CCDC180: variants seen among roughly 807,000 people sequenced by gnomAD.
CCDC180 encodes the protein coiled-coil domain containing 180.
CCDC180 carries 154 observed loss-of-function variants against 209.2 expected under a neutral mutation model. The observed-to-expected ratio is 0.74, with a 90% CI of 0.65 to 0.84. CCDC180 has a LOEUF of 0.84. Among genes scored for constraint, CCDC180 ranks in the 40% least tolerant of loss-of-function variants. The probability of loss-of-function intolerance (pLI) is 0.00; values close to 1 mark genes in which losing one functional copy is unlikely to be tolerated. For missense variants in CCDC180, 1,874 were observed against 1,997.3 expected, an observed-to-expected ratio of 0.94 and a Z score of 1.18; for synonymous variants, 778 against 749.1, an observed-to-expected ratio of 1.04 and a Z score of -0.63.
At position 97,320,217 on chromosome 9, in the gene CCDC180, C is replaced by G; in HGVS notation, c.1159+12C>G. 2 of 1,608,758 alleles carry G rather than the reference C, an allele frequency of 1.2e-6. No individual in the cohort carries two copies. Among genetic ancestry groups the G allele is most frequent in the South Asian group, 2.2e-5 (2 of 90,984 alleles). On this transcript the variant is annotated intron_variant, in intron 11 of 36. Coordinates refer to ENST00000529487, the MANE Select transcript of CCDC180 (RefSeq NM_020893.6). Reference sequence around the variant, plus strand: ...GAACAAGGAGCTAGGTGAGTGACGTCTGCAGGACTCCACCTGCATTTCTCC... The same window carrying G: ...GAACAAGGAGCTAGGTGAGTGACGTGTGCAGGACTCCACCTGCATTTCTCC...
At position 97,369,419 on chromosome 9, in the gene CCDC180, TTTATGTTATGTTATG is replaced by T. The variant is rs3052478; in HGVS notation, c.4190-459_4190-445del. 577 of 130,712 alleles carry T rather than the reference TTTATGTTATGTTATG, an allele frequency of 4.4e-3. 5 individuals carry two copies. Among genetic ancestry groups the T allele is most frequent in the African/African-American group, 9.6e-3 (348 of 36,070 alleles). The allele number at this position is 130,712 out of a possible 1,614,324, so 8.1% of individuals were successfully genotyped here. On this transcript the variant is annotated intron_variant, in intron 31 of 36. Coordinates refer to ENST00000529487, the MANE Select transcript of CCDC180 (RefSeq NM_020893.6). ...CCTTTGAATTTATTTAAGCCTTTAT[TTTATGTTATGTTATG>T]TTATGTTATGTTATGTTATGTTATG... is the stretch of plus-strand genomic sequence containing the variant.
At chr9:97,370,323 T>TG (rs1258067039) in intron 32 of CCDC180, among the ~76,000 whole-genome samples, 1 of 152,182 alleles carries the variant, frequency 6.6e-6, no homozygotes. Flanking sequence ...CTGGGTTCCG[T>TG]GGGGCTGTAG....
intron 24 of CCDC180, 134 bp downstream of exon 24, chr9:97,355,142 A>C: frequency 1.6e-6 from 1 of 634,970 alleles, no homozygotes; most frequent in Non-Finnish European, 2.8e-6. Flanking sequence ...GAAGACAGAC[A>C]CAATCTTTTT....
chr9:97,361,985 C>G, intron 27 of CCDC180, 87 bp downstream of exon 27: 1 of 1,478,276 alleles, frequency 6.8e-7, no homozygotes, highest in Non-Finnish European at 9.1e-7. Context: ...GCCCCACACA[C>G]TGGGGTTCCC....
chr9:97,314,805 T>G, intron 7 of CCDC180, 46 bp from the exon 8 acceptor site: 1 of 1,601,616 alleles, frequency 6.2e-7, no homozygotes, highest in Non-Finnish European at 8.6e-7. Context: ...TTCCTTTTAG[T>G]TCTCCAGGAA....
At chr9:97,321,851 G>A (rs996760424) in intron 11 of CCDC180, among the ~76,000 whole-genome samples, 1 of 152,032 alleles carries the variant, frequency 6.6e-6, no homozygotes, top group South Asian at 2.1e-4. Flanking sequence ...GAGGGAGGAG[G>A]CATTCCAAGC....
intron 15 of CCDC180, among the ~76,000 whole-genome samples, chr9:97,327,817 T>C (rs764181165): frequency 6.6e-6 from 1 of 152,194 alleles, no homozygotes. Context: ...GAAAAGTCTC[T>C]TGTGTGTGTT....
rs773962380 is a variant in CCDC180 at position 97,326,548 on chromosome 9, T to G, written c.1546-6T>G. On this transcript the variant is annotated splice_polypyrimidine_tract_variant and splice_region_variant and intron_variant, in intron 14 of 36. Transcript: ENST00000529487. Reference sequence around the variant, plus strand: ...TGCTTCCTCTTGTTTTGGGGGTGGCTTCCAGGTGCAGGAGGCCCACCTCGA... The same window carrying G: ...TGCTTCCTCTTGTTTTGGGGGTGGCGTCCAGGTGCAGGAGGCCCACCTCGA... 6.1e-5 allele frequency: 97 copies of G among 1,580,014 alleles called. 1 individual carries two copies. Among genetic ancestry groups the G allele is most frequent in the Non-Finnish European group, 7.8e-5 (90 of 1,149,190 alleles).
chr9:97,366,087 G>T lies in CCDC180; in HGVS notation c.4047+348G>T, dbSNP rs1826911431. On this transcript the variant is annotated intron_variant, in intron 30 of 36. Coordinates refer to ENST00000529487, the MANE Select transcript of CCDC180 (RefSeq NM_020893.6). The surrounding 1 kb of genome is among the most constrained non-coding windows in gnomAD (Gnocchi z 4.3). ...GAAAGAGGTGGGGCAGTGGGACCAG[G>T]CACCAGACAAGCTGCCCAGTGCCCT... Among the ~76,000 whole-genome samples the T allele has an allele frequency of 6.6e-6, 1 of 152,198 alleles. No homozygotes were observed. The highest frequency in any genetic ancestry group is 2.1e-4 in the South Asian group (1 of 4,828).
Position 97,351,511 on chromosome 9 carries a change from T to C in CCDC180, c.3002+956T>C, listed in dbSNP as rs149336666. On this transcript the variant is annotated intron_variant, in intron 22 of 36. Coordinates refer to ENST00000529487, the MANE Select transcript of CCDC180 (RefSeq NM_020893.6). ...TGAAAGTAATCCTAGATTTAGTCTT[T>C]GACATTTTTGAAAGGCTATATTTAT... Among the ~76,000 whole-genome samples, 1,482 of 152,328 alleles carry C rather than the reference T, an allele frequency of 9.7e-3. 23 individuals are homozygous for C. Among genetic ancestry groups the C allele is most frequent in the African/African-American group, 0.033 (1,359 of 41,572 alleles).
chr9:97,340,758 G>A (rs925170464), intron 18 of CCDC180, among the ~76,000 whole-genome samples: 3 of 152,222 alleles, frequency 2.0e-5, no homozygotes, highest in Non-Finnish European at 2.9e-5. Flanking sequence ...AGCGAAAAGT[G>A]TCAAGGGACA....
At chr9:97,357,877 G>C in intron 25 of CCDC180, 152 bp downstream of exon 25, 1 of 575,526 alleles carries the variant, frequency 1.7e-6, no homozygotes, top group Non-Finnish European at 3.0e-6. Flanking sequence ...CTTAACCCCT[G>C]TTTCATGGAA....
Position 97,317,191 on chromosome 9 carries a change from A to G in CCDC180, c.922A>G (p.Lys308Glu), listed in dbSNP as rs1833205068. 8 of 1,608,864 alleles carry G rather than the reference A, an allele frequency of 5.0e-6. No individual in the cohort carries two copies. The highest frequency in any genetic ancestry group is 5.1e-6 in the Non-Finnish European group (6 of 1,176,274). ...HRWQGLVDTWKALKKEALLQS... is the reference protein window; with the variant it reads ...HRWQGLVDTWEALKKEALLQS... ...CTGGCAAGGCTTGGTGGACACCTGG[A>G]AGGCTCTCAAGAAGGAGGCCCTGCT... Residue 308 changes from lysine (K) to glutamate (E), a missense_variant, in exon 9 of 37, where the codon AAG becomes GAG. Transcript: ENST00000529487.
chr9:97,374,762 G>A (rs1827198063), intron 35 of CCDC180, 114 bp downstream of exon 35: 3 of 772,674 alleles, frequency 3.9e-6, no homozygotes, highest in East Asian at 2.7e-5. Context: ...GAAAGGCATT[G>A]TGTTCTGAGC....
At chr9:97,316,026 T>C (rs1833161040) in intron 8 of CCDC180, among the ~76,000 whole-genome samples, 1 of 152,184 alleles carries the variant, frequency 6.6e-6, no homozygotes, top group Admixed American at 6.5e-5. Flanking sequence ...GTAATACCTG[T>C]CAGGACTTGT....
intron 27 of CCDC180, 147 bp from the exon 28 acceptor site, chr9:97,362,049 A>G: frequency 1.5e-6 from 2 of 1,373,928 alleles, no homozygotes; most frequent in African/African-American, 1.5e-5. Context: ...TTCCCCACCC[A>G]GAGCCCCAGT....
intron 19 of CCDC180, among the ~76,000 whole-genome samples, chr9:97,346,500 A>G (rs925372234): frequency 6.6e-6 from 1 of 152,238 alleles, no homozygotes; most frequent in Non-Finnish European, 1.5e-5. Flanking sequence ...AATGACCTTC[A>G]TGTCCCTAGT....
At chr9:97,362,591 C>T (rs934898405) in intron 28 of CCDC180, 150 bp downstream of exon 28, 8 of 1,185,058 alleles carry the variant, frequency 6.8e-6, no homozygotes, top group East Asian at 2.6e-5. Flanking sequence ...GAGGGGTGAG[C>T]GCCATCCTTA....
chr9:97,307,960 G>C lies in CCDC180; in HGVS notation c.-81-23G>C, dbSNP rs1587773170. The C allele has an allele frequency of 2.5e-6, 4 of 1,583,536 alleles. No homozygotes were observed. The East Asian group carries it at 9.0e-5, about 36-fold the overall frequency. On this transcript the variant is annotated intron_variant, in intron 1 of 36. Transcript: ENST00000529487. ...CGCCTGGACCTGAACCTGAGTTTGG[G>C]ACGGGCGATTTCCCAACCTCAGGAA...
Sources: gnomAD v4.1 joint callset for allele counts (sites outside exome capture counted in the v4.1 genomes callset) on GRCh38, gnomAD v4.1.1 for gene constraint, Gnocchi (gnomAD v3.1) non-coding constraint, MANE v1.5 for transcripts, NCBI Gene and HGNC (gene_info 2026-07-23, HGNC 2026-07-21) for gene names.